EDA: variants seen among roughly 807,000 people sequenced by gnomAD.
EDA encodes ectodysplasin-A.
In EDA, 2 loss-of-function variants were observed where a neutral mutation model predicts 23.6. The ratio of observed to expected loss-of-function variants is 0.08; its 90% CI spans 0.03 to 0.27. EDA has a LOEUF of 0.27. Among genes scored for constraint, EDA ranks in the 10% least tolerant of loss-of-function variants. EDA has a pLI of 1.00. For synonymous variants in EDA, 131 were observed against 132.0 expected (o/e 0.99, Z 0.05); for missense variants, 229 against 324.2 (o/e 0.71, Z 2.26).
intron 1 of EDA, among the ~76,000 whole-genome samples, chrX:69,688,930 G>C (rs958873275): frequency 1.8e-5 from 2 of 112,158 alleles, no homozygotes; most frequent in Non-Finnish European, 3.8e-5. Flanking sequence ...ATTTTTATAC[G>C]TGGTGTGAGG....
intron 1 of EDA, among the ~76,000 whole-genome samples, chrX:69,634,064 A>C (rs1932704306): frequency 8.9e-6 from 1 of 112,159 alleles, no homozygotes; most frequent in African/African-American, 3.2e-5. Flanking sequence ...ACTGAGCATA[A>C]GGTGATATCT....
At chrX:69,925,688 C>A (rs2018506035) in intron 1 of EDA, among the ~76,000 whole-genome samples, 1 of 110,358 alleles carries the variant, frequency 9.1e-6, no homozygotes, top group South Asian at 3.9e-4. Context: ...GGGAGTAGTT[C>A]CTCCTTTTCA....
intron 1 of EDA, among the ~76,000 whole-genome samples, chrX:69,827,770 G>T (rs1043809049): frequency 4.5e-5 from 5 of 111,824 alleles, no homozygotes; most frequent in African/African-American, 1.6e-4. Context: ...GAGGAGGAGA[G>T]GCGCTCTGCT....
At chrX:69,704,165 A>G (rs890471545) in intron 1 of EDA, among the ~76,000 whole-genome samples, 3 of 112,069 alleles carry the variant, frequency 2.7e-5, no homozygotes, top group Non-Finnish European at 5.6e-5. Context: ...CAAGACATCA[A>G]TCAGTTCATG....
chrX:69,852,416 G>A (rs1358107505), intron 1 of EDA, among the ~76,000 whole-genome samples: 1 of 111,979 alleles, frequency 8.9e-6, no homozygotes, highest in Non-Finnish European at 1.9e-5. Flanking sequence ...ACCCTTTTAA[G>A]TACATGGTTG....
rs1326976532 is a variant in EDA at position 70,027,981 on chromosome X, TGGTCCTCCA to T, written c.660_668del (p.Pro223_Pro225del). 5.9e-6 allele frequency: 7 copies of T among 1,191,131 alleles called. No homozygotes were observed. Among genetic ancestry groups the T allele is most frequent in the Admixed American group, 2.3e-5 (1 of 43,665 alleles). ...CAGGAACAACTGTTATGGGACCACC[TGGTCCTCCA>T]GGTCCTCCTGGTCCTCAAGGACCCC... On this transcript the variant is annotated inframe_deletion, in exon 4 of 8. Coordinates refer to ENST00000374552, the MANE Select transcript of EDA (RefSeq NM_001399.5).
chrX:69,708,494 CTG>C (rs1189162559), intron 1 of EDA, among the ~76,000 whole-genome samples: 1 of 64 alleles, frequency 0.016, no homozygotes, highest in African/African-American at 0.05. Flanking sequence ...GTATGAGGAG[CTG>C]TGCTGGAACT....
intron 2 of EDA, among the ~76,000 whole-genome samples, chrX:70,005,062 C>G (rs2019785215): frequency 9.0e-6 from 1 of 111,685 alleles, no homozygotes. Context: ...TGCCACTGCA[C>G]TCCAGCCTGA....
chrX:69,674,535 C>A (rs565019337), intron 1 of EDA, among the ~76,000 whole-genome samples: 151 of 111,802 alleles, frequency 1.4e-3, no homozygotes, highest in African/African-American at 4.8e-3. Context: ...AATGTACAAC[C>A]TTTAGCATTA....
At chrX:69,952,189 AT>A (rs2018937181) in intron 1 of EDA, among the ~76,000 whole-genome samples, 2 of 112,148 alleles carry the variant, frequency 1.8e-5, no homozygotes, top group African/African-American at 6.5e-5. Context: ...TTTTCTTCTT[AT>A]TTTTATTGAA....
chrX:69,899,372 G>A (rs762138867), intron 1 of EDA, among the ~76,000 whole-genome samples: 6 of 111,388 alleles, frequency 5.4e-5, no homozygotes, highest in African/African-American at 2.0e-4. Flanking sequence ...GCCCTTAGCC[G>A]ACCTGCCAAC....
chrX:69,897,786 G>A (rs753512152), intron 1 of EDA, among the ~76,000 whole-genome samples: 2 of 111,715 alleles, frequency 1.8e-5, no homozygotes, highest in African/African-American at 3.3e-5. Context: ...ATCCCATCCT[G>A]CCTCTAGTGC....
At chrX:69,681,468 G>A (rs1442481345) in intron 1 of EDA, among the ~76,000 whole-genome samples, 8 of 111,454 alleles carry the variant, frequency 7.2e-5, no homozygotes, top group South Asian at 7.7e-4. Flanking sequence ...CCAATCAGAT[G>A]TAGATTTGGT....
chrX:69,682,096 C>G lies in EDA; in HGVS notation c.396+65392C>G, dbSNP rs7067115. Among the ~76,000 whole-genome samples the G allele has an allele frequency of 7.5e-3, 845 of 112,008 alleles. 6 individuals are homozygous for G. The highest frequency in any genetic ancestry group is 0.026 in the African/African-American group (813 of 30,803). On this transcript the variant is annotated intron_variant, in intron 1 of 7. Transcript: ENST00000374552. ...GTACCTGGCCGTGTGAGGTGTCAGT[C>G]TGCCCCTGCTGGGGGTGCCTCCCAG...
intron 2 of EDA, among the ~76,000 whole-genome samples, chrX:70,015,165 G>A (rs1241093796): frequency 8.9e-6 from 1 of 112,096 alleles, no homozygotes; most frequent in East Asian, 2.8e-4. Context: ...AAGGCATCTA[G>A]AGAGAAGGGG....
chrX:69,941,340 T>A (rs948666959), intron 1 of EDA, among the ~76,000 whole-genome samples: 33 of 111,812 alleles, frequency 3.0e-4, no homozygotes, highest in Non-Finnish European at 3.6e-4. Context: ...TCTGTCTGGA[T>A]GATGTATCCA....
intron 1 of EDA, among the ~76,000 whole-genome samples, chrX:69,863,553 GTA>G (rs1257252634): frequency 3.8e-5 from 2 of 52,562 alleles, no homozygotes; most frequent in African/African-American, 7.5e-5. Flanking sequence ...ATACATATAT[GTA>G]TATATATGTG....
chrX:69,811,524 C>T (rs1008860192), intron 1 of EDA, among the ~76,000 whole-genome samples: 6 of 111,656 alleles, frequency 5.4e-5, no homozygotes, highest in African/African-American at 1.9e-4. Flanking sequence ...CAAAGTGTAC[C>T]CTGGCCAGTT....
intron 1 of EDA, among the ~76,000 whole-genome samples, chrX:69,824,344 T>G (rs1159687397): frequency 3.6e-5 from 4 of 109,810 alleles, no homozygotes; most frequent in Non-Finnish European, 5.7e-5. Flanking sequence ...GGAATGTTCT[T>G]CCATTTGTTT....
Sources: gnomAD v4.1 joint callset for allele counts (sites outside exome capture counted in the v4.1 genomes callset) on GRCh38, gnomAD v4.1.1 for gene constraint, MANE v1.5 for transcripts, NCBI Gene and HGNC (gene_info 2026-07-23, HGNC 2026-07-21) for gene names.